The following IFT140 variants were observed in gnomAD, a reference collection of about 807,000 sequenced individuals.
The protein encoded by IFT140 is intraflagellar transport protein 140 homolog.
In IFT140, 133 loss-of-function variants were observed where a neutral mutation model predicts 164.6. The ratio of observed to expected loss-of-function variants is 0.81; its 90% CI spans 0.70 to 0.93. The LOEUF (loss-of-function observed/expected upper bound fraction) is 0.93, where lower values mean the gene tolerates loss of function less well. Ranked by LOEUF, IFT140 falls within the 40% of genes least tolerant of loss-of-function variation. IFT140 has a pLI of 0.00. For missense variants in IFT140, 2,045 were observed against 1,972.3 expected, an observed-to-expected ratio of 1.04 and a Z score of -0.70; for synonymous variants, 860 against 817.3, an observed-to-expected ratio of 1.05 and a Z score of -0.89.
chr16:1,602,550 C>G lies in IFT140; in HGVS notation c.189G>C (p.Arg63=). 1 of 1,613,872 alleles carries G rather than the reference C, an allele frequency of 6.2e-7. No individual in the cohort carries two copies. Among genetic ancestry groups the G allele is most frequent in the Non-Finnish European group, 8.5e-7 (1 of 1,180,036 alleles). Residue 63 remains arginine, a synonymous_variant, in exon 4 of 31, where the codon CGG becomes CGC. Coordinates refer to ENST00000426508, the MANE Select transcript of IFT140 (RefSeq NM_014714.4). ...VPDTHVERPF[R]VASLCWHPTR... is the part of the protein sequence containing the mutation. ...TCGGGTGCCAGCACAGGGAAGCAAC[C>G]CGGAACGGCCTCTCGACGTGTGTAT...
chr16:1,583,199 G>C (rs2034670641), intron 12 of IFT140, 115 bp downstream of exon 12: 5 of 897,972 alleles, frequency 5.6e-6, no homozygotes, highest in Middle Eastern at 2.6e-4. Context: ...GTAGCACAAG[G>C]GTCTCCCCAG....
intron 13 of IFT140, among the ~76,000 whole-genome samples, chr16:1,572,374 C>T (rs1013692758): frequency 1.3e-4 from 20 of 152,322 alleles, no homozygotes; most frequent in African/African-American, 4.3e-4. Flanking sequence ...AGGCCGGGCG[C>T]GGTGGCTCAC....
intron 9 of IFT140, among the ~76,000 whole-genome samples, chr16:1,586,748 A>G (rs964665617): frequency 1.3e-5 from 2 of 152,200 alleles, no homozygotes; most frequent in African/African-American, 2.4e-5. Flanking sequence ...GCTCTGTCAC[A>G]CAGACTGGAG....
intron 19 of IFT140, chr16:1,554,273 T>C (rs925483458): frequency 6.9e-6 from 3 of 436,828 alleles, no homozygotes; most frequent in Admixed American, 7.4e-5. Flanking sequence ...CTGGGCGCGA[T>C]GAGCACCAAA....
chr16:1,583,337 G>A lies in IFT140; in HGVS notation c.1409C>T (p.Ser470Phe), dbSNP rs2034679335. Reference protein sequence around the residue: ...NGRQVAIFELSGAAIRSAGTF... With the variant: ...NGRQVAIFELFGAAIRSAGTF... ...ACCTGCACTCCGTATCGCGGCTCCA[G>A]AAAGCTCGAAGATCGCCACCTGCCT... The change falls in exon 12 of 31, where the codon TCT becomes TTT. Residue 470 changes from serine (S) to phenylalanine (F), a missense_variant. Ser to Phe is a radical substitution (Grantham distance 155). Coordinates refer to ENST00000426508, the MANE Select transcript of IFT140 (RefSeq NM_014714.4). 1 of 1,614,138 alleles carries A rather than the reference G, an allele frequency of 6.2e-7. No homozygotes were observed. The highest frequency in any genetic ancestry group is 1.7e-5 in the Admixed American group (1 of 60,024).
chr16:1,562,235 G>A (rs887242264), intron 17 of IFT140, 119 bp from the exon 18 acceptor site: 3 of 788,764 alleles, frequency 3.8e-6, no homozygotes, highest in African/African-American at 3.6e-5. Flanking sequence ...TACACACTGC[G>A]TCATGGTGGG....
At chr16:1,515,263 A>G (rs142958462) in intron 30 of IFT140, among the ~76,000 whole-genome samples, 9 of 152,306 alleles carry the variant, frequency 5.9e-5, no homozygotes, top group Middle Eastern at 3.4e-3. Context: ...TCAAGAAGAA[A>G]GTCATGACAG....
intron 30 of IFT140, among the ~76,000 whole-genome samples, chr16:1,516,185 A>T (rs1241881731): frequency 1.3e-5 from 2 of 148,210 alleles, no homozygotes; most frequent in African/African-American, 2.5e-5. Flanking sequence ...AAAACACCAG[A>T]AATGGATGGT....
At position 1,583,386 on chromosome 16, in the gene IFT140, C is replaced by A; in HGVS notation, c.1360G>T (p.Asp454Tyr). 6.2e-7 allele frequency: 1 copy of A among 1,614,040 alleles called. No individual in the cohort carries two copies. Reference sequence around the variant, plus strand: ...CTTCCGTTCCAGACTGCGACAGCATCCTGAAAAGAACCACGGACATTCGAG... The same window carrying A: ...CTTCCGTTCCAGACTGCGACAGCATACTGAAAAGAACCACGGACATTCGAG... ...MHISGVFATK[D>Y]AVAVWNGRQV... The change falls in exon 12 of 31, where the codon GAT becomes TAT. Residue 454 changes from aspartate to tyrosine, a missense_variant and splice_region_variant. Asp to Tyr is a radical substitution (Grantham distance 160, BLOSUM62 -3). Coordinates refer to ENST00000426508, the MANE Select transcript of IFT140 (RefSeq NM_014714.4).
chr16:1,516,250 A>G (rs2040340587), intron 30 of IFT140, among the ~76,000 whole-genome samples: 1 of 151,992 alleles, frequency 6.6e-6, no homozygotes, highest in African/African-American at 2.4e-5. Flanking sequence ...TCTTCAAAAT[A>G]CATATGACTG....
chr16:1,608,631 CAA>C (rs10675170), intron 2 of IFT140, among the ~76,000 whole-genome samples: 5 of 83,712 alleles, frequency 6.0e-5, no homozygotes, highest in Admixed American at 1.4e-4. Context: ...GACTCCGCCT[CAA>C]AAAAAAAAAA....
chr16:1,587,820 C>G (rs1192846598), intron 8 of IFT140, 113 bp downstream of exon 8: 12 of 810,574 alleles, frequency 1.5e-5, no homozygotes, highest in Non-Finnish European at 2.2e-5. Context: ...TATGAGAGCA[C>G]TCAGCATCAT....
At chr16:1,527,283 C>A (rs866519079) in intron 19 of IFT140, among the ~76,000 whole-genome samples, 1 of 152,178 alleles carries the variant, frequency 6.6e-6, no homozygotes, top group Non-Finnish European at 1.5e-5. Context: ...GTACAGGGCC[C>A]AGACCCTGAC....
intron 19 of IFT140, among the ~76,000 whole-genome samples, chr16:1,552,428 A>G (rs1029456432): frequency 1.9e-4 from 29 of 151,746 alleles, no homozygotes; most frequent in African/African-American, 6.3e-4. Flanking sequence ...GAGCCCTGAC[A>G]CCAGCACAAC....
At chr16:1,611,511 G>C (rs1183565389) in intron 1 of IFT140, among the ~76,000 whole-genome samples, 1 of 126,564 alleles carries the variant, frequency 7.9e-6, no homozygotes, top group Non-Finnish European at 1.7e-5. Context: ...AAAAAGAAAA[G>C]AAAAAGAAAC....
At chr16:1,577,141 G>A (rs939378220) in intron 13 of IFT140, 4 of 152,272 alleles carry the variant, frequency 2.6e-5, no homozygotes, top group East Asian at 1.9e-4. Flanking sequence ...AAGTGCTCCC[G>A]AGAAGCAAGG....
Position 1,564,234 on chromosome 16 carries a change from A to G in IFT140, c.1902-72T>C, listed in dbSNP as rs1159732035. ...TGCTACCAGTCTCCCTCCCACACAC[A>G]TTCCCGAAGCCTCCAGGTGCTGTCC... On this transcript the variant is annotated intron_variant, in intron 16 of 30. Coordinates refer to ENST00000426508, the MANE Select transcript of IFT140 (RefSeq NM_014714.4). This position sits in a 1 kb window ranked among gnomAD's most constrained non-coding sequence, Gnocchi z 5.5. 3.7e-6 allele frequency: 5 copies of G among 1,365,404 alleles called. No individual in the cohort carries two copies. In the East Asian group the frequency reaches 1.0e-4, roughly 28 times the overall value. 84.6% of individuals were successfully genotyped at this position (1,365,404 alleles called of 1,614,324 possible).
At position 1,553,313 on chromosome 16, in the gene IFT140, TCTGTGTCTCTGTCC is replaced by T. The variant is rs1471027130; in HGVS notation, c.2399+4608_2399+4621del. The T allele has an allele frequency of 1.2e-5, 12 of 984,762 alleles. No homozygotes were observed. Among genetic ancestry groups the T allele is most frequent in the African/African-American group, 1.0e-4 (6 of 57,206 alleles). 61.0% of individuals were successfully genotyped at this position (984,762 alleles called of 1,614,324 possible). Reference sequence around the variant, plus strand: ...CTGCCTGTCTCTCTGTGTCTCTGTCTCTGTGTCTCTGTCCCTGTGTCTCTTTTTCTCCCATCCTC... The same window carrying T: ...CTGCCTGTCTCTCTGTGTCTCTGTCTCTGTGTCTCTTTTTCTCCCATCCTC... On this transcript the variant is annotated intron_variant, in intron 19 of 30. Coordinates refer to ENST00000426508, the MANE Select transcript of IFT140 (RefSeq NM_014714.4). This position sits in a 1 kb window ranked among gnomAD's most constrained non-coding sequence, Gnocchi z 4.4.
chr16:1,542,034 C>T (rs1170723222), intron 19 of IFT140: 3 of 1,611,048 alleles, frequency 1.9e-6, no homozygotes, highest in Admixed American at 3.3e-5. Flanking sequence ...ACCCGACGCC[C>T]CGTGCTGGGA....
Sources: allele counts gnomAD v4.1 joint callset (sites outside exome capture counted in the v4.1 genomes callset), GRCh38; gene constraint gnomAD v4.1.1; non-coding constraint Gnocchi (gnomAD v3.1); transcripts MANE v1.5; gene names NCBI Gene and HGNC (gene_info 2026-07-23, HGNC 2026-07-21).